The following THSD7B variants were observed in gnomAD, a reference collection of about 807,000 sequenced individuals.
THSD7B encodes thrombospondin type 1 domain containing 7B, also known as thrombospondin type-1 domain-containing protein 7B.
THSD7B carries 138 observed loss-of-function variants against 213.6 expected under a neutral mutation model. That is an observed-to-expected ratio of 0.65 (90% confidence interval 0.56 to 0.74). THSD7B has a LOEUF of 0.74. THSD7B is among the 30% of genes least tolerant of loss of function. The pLI is 0.00. For synonymous variants in THSD7B, 742 were observed against 687.0 expected (o/e 1.08, Z -1.25); for missense variants, 1,931 against 1,991.5 (o/e 0.97, Z 0.58).
intron 3 of THSD7B, among the ~76,000 whole-genome samples, chr2:137,076,837 T>A (rs1419050508): frequency 1.3e-5 from 2 of 152,158 alleles, no homozygotes; most frequent in Non-Finnish European, 2.9e-5. Context: ...AATCTTTTTT[T>A]ATTATAGTTT....
intron 12 of THSD7B, among the ~76,000 whole-genome samples, chr2:137,344,788 T>C (rs1483426690): frequency 6.6e-6 from 1 of 151,582 alleles, no homozygotes; most frequent in Non-Finnish European, 1.5e-5. Flanking sequence ...AAAAGGGTGG[T>C]TAGTCAACAT....
At chr2:137,327,227 G>T (rs763825098) in intron 12 of THSD7B, among the ~76,000 whole-genome samples, 1 of 152,154 alleles carries the variant, frequency 6.6e-6, no homozygotes, top group Non-Finnish European at 1.5e-5. Context: ...GGTAAGCCTA[G>T]GCCACTGCCA....
chr2:136,785,874 A>G (rs989542752), intron 1 of THSD7B, among the ~76,000 whole-genome samples: 5 of 152,226 alleles, frequency 3.3e-5, no homozygotes, highest in African/African-American at 9.6e-5. Context: ...TTGTATGGCT[A>G]TTATGAAGAT....
intron 2 of THSD7B, among the ~76,000 whole-genome samples, chr2:137,025,186 C>T (rs1686525173): frequency 6.6e-6 from 1 of 152,122 alleles, no homozygotes; most frequent in Admixed American, 6.5e-5. Flanking sequence ...TCTCTTTTTT[C>T]TCACTATGCC....
intron 27 of THSD7B, among the ~76,000 whole-genome samples, chr2:137,676,240 G>A (rs992897948): frequency 5.3e-5 from 8 of 152,228 alleles, no homozygotes; most frequent in African/African-American, 1.2e-4. Flanking sequence ...GAGAAAAGAC[G>A]TTCCTGTTGT....
intron 12 of THSD7B, among the ~76,000 whole-genome samples, chr2:137,358,896 T>C (rs2104931576): frequency 6.6e-6 from 1 of 152,356 alleles, no homozygotes; most frequent in African/African-American, 2.4e-5. Flanking sequence ...GCACCTTTGC[T>C]TGTGAATGTT....
intron 17 of THSD7B, among the ~76,000 whole-genome samples, chr2:137,585,782 G>A (rs1377029322): frequency 2.0e-5 from 3 of 152,164 alleles, no homozygotes; most frequent in Admixed American, 2.0e-4. Context: ...TTAGGAATAG[G>A]TGCGGTGTGG....
intron 2 of THSD7B, among the ~76,000 whole-genome samples, chr2:136,913,819 A>G (rs966043660): frequency 6.6e-6 from 1 of 152,256 alleles, no homozygotes; most frequent in African/African-American, 2.4e-5. Context: ...TTTTGCTGCA[A>G]GGGCAGGGCC....
intron 2 of THSD7B, among the ~76,000 whole-genome samples, chr2:136,958,667 A>G (rs1035282828): frequency 2.0e-5 from 3 of 152,208 alleles, no homozygotes; most frequent in African/African-American, 7.2e-5. Context: ...TTATTTTTGA[A>G]TAACATTTAT....
intron 12 of THSD7B, among the ~76,000 whole-genome samples, chr2:137,347,975 A>C (rs1684915758): frequency 6.6e-6 from 1 of 151,578 alleles, no homozygotes; most frequent in African/African-American, 2.4e-5. Flanking sequence ...TTTTCAAAAA[A>C]AAAAACATAG....
chr2:137,409,899 G>A (rs1686610121), intron 13 of THSD7B, among the ~76,000 whole-genome samples: 1 of 152,168 alleles, frequency 6.6e-6, no homozygotes, highest in African/African-American at 2.4e-5. Context: ...CAGGGCTTTG[G>A]CTTTGTTTCT....
chr2:137,039,590 A>G (rs1388457506), intron 2 of THSD7B, among the ~76,000 whole-genome samples: 2 of 152,200 alleles, frequency 1.3e-5, no homozygotes, highest in African/African-American at 2.4e-5. Context: ...TTCCTCCCAC[A>G]TGGACTTGTT....
chr2:137,606,451 A>G (rs1307154926), intron 17 of THSD7B, among the ~76,000 whole-genome samples: 1 of 152,156 alleles, frequency 6.6e-6, no homozygotes, highest in Non-Finnish European at 1.5e-5. Flanking sequence ...GAAAAGGTGA[A>G]GCGTGAAATC....
intron 6 of THSD7B, among the ~76,000 whole-genome samples, chr2:137,164,669 G>A (rs1680085944): frequency 2.0e-5 from 3 of 152,132 alleles, no homozygotes; most frequent in South Asian, 4.1e-4. Flanking sequence ...AGAAAATGGG[G>A]CACATATACA....
intron 2 of THSD7B, among the ~76,000 whole-genome samples, chr2:136,914,311 G>A (rs1684315963): frequency 6.6e-6 from 1 of 152,214 alleles, no homozygotes; most frequent in Non-Finnish European, 1.5e-5. Context: ...TGATTTTACA[G>A]GCTCATAGGC....
intron 4 of THSD7B, among the ~76,000 whole-genome samples, chr2:137,097,484 C>T (rs1273607239): frequency 6.6e-6 from 1 of 152,110 alleles, no homozygotes; most frequent in Admixed American, 6.6e-5. Flanking sequence ...TTACTCAACT[C>T]TGAAGCCAGT....
intron 2 of THSD7B, among the ~76,000 whole-genome samples, chr2:136,956,842 G>A (rs902494822): frequency 2.0e-5 from 3 of 151,882 alleles, no homozygotes; most frequent in African/African-American, 7.3e-5. Flanking sequence ...ACCGTGTCTA[G>A]CTAATTTTTA....
At position 136,884,763 on chromosome 2, in the gene THSD7B, G is replaced by T. The variant is rs115351719; in HGVS notation, c.139+2446G>T. 4.1e-3 allele frequency among the ~76,000 whole-genome samples: 631 copies of T among 152,158 alleles called. 4 individuals are homozygous for T. Among genetic ancestry groups the T allele is most frequent in the African/African-American group, 0.014 (596 of 41,518 alleles). The stretch of plus-strand genomic sequence containing the variant: ...AACCTCATCTTTTAATGACTGCATA[G>T]TATTCTTTAGCATTTTTATTTAATA... On this transcript the variant is annotated intron_variant, in intron 2 of 27. Coordinates refer to ENST00000409968, the MANE Select transcript of THSD7B (RefSeq NM_001316349.2).
At chr2:137,500,950 A>G (rs1442797023) in intron 15 of THSD7B, among the ~76,000 whole-genome samples, 2 of 151,450 alleles carry the variant, frequency 1.3e-5, no homozygotes, top group Non-Finnish European at 3.0e-5. Flanking sequence ...GTTTTTTTTT[A>G]TATTAGAAAG....
Sources: allele counts gnomAD v4.1 joint callset (sites outside exome capture counted in the v4.1 genomes callset), GRCh38; gene constraint gnomAD v4.1.1; transcripts MANE v1.5; gene names NCBI Gene and HGNC (gene_info 2026-07-23, HGNC 2026-07-21).